The following MYO3B variants were observed in gnomAD, a reference collection of about 807,000 sequenced individuals.
The protein encoded by MYO3B is myosin IIIB.
Under a neutral mutation model 174.6 loss-of-function variants are expected in MYO3B, and 156 were observed. That is an observed-to-expected ratio of 0.89 (90% CI 0.78 to 1.02). MYO3B has a LOEUF of 1.02. Among genes scored for constraint, MYO3B ranks in the 50% least tolerant of loss-of-function variants. The pLI is 0.00. For missense variants in MYO3B, 1,632 were observed against 1,639.4 expected, an observed-to-expected ratio of 1.00 and a Z score of 0.08; for synonymous variants, 563 against 569.1, an observed-to-expected ratio of 0.99 and a Z score of 0.15.
At chr2:170,596,307 T>A (rs1437096029) in intron 32 of MYO3B, among the ~76,000 whole-genome samples, 2 of 152,110 alleles carry the variant, frequency 1.3e-5, no homozygotes. Flanking sequence ...CTACCTGAAC[T>A]CCCCCAAAAG....
At chr2:170,214,917 C>G in intron 5 of MYO3B, 89 bp downstream of exon 5, 8 of 970,792 alleles carry the variant, frequency 8.2e-6, no homozygotes, top group South Asian at 1.4e-5. Context: ...TGGGGCTTCT[C>G]TGCTACACCA....
At chr2:170,628,742 G>GC (rs1559176158) in intron 32 of MYO3B, among the ~76,000 whole-genome samples, 1 of 152,212 alleles carries the variant, frequency 6.6e-6, no homozygotes, top group East Asian at 1.9e-4. Flanking sequence ...AGGCATCAAA[G>GC]CCCCCCTAGA....
chr2:170,274,517 T>C (rs2093449093), intron 7 of MYO3B, among the ~76,000 whole-genome samples: 1 of 152,012 alleles, frequency 6.6e-6, no homozygotes, highest in South Asian at 2.1e-4. Flanking sequence ...ATTGGATGAG[T>C]GAACTAACAG....
chr2:170,423,585 C>CTT (rs34209442), intron 22 of MYO3B, among the ~76,000 whole-genome samples: 53,681 of 124,146 alleles, frequency 0.43, 12,518 homozygotes, highest in Admixed American at 0.56. Context: ...TCAGCAAAAG[C>CTT]TTTTTTTTTT....
chr2:170,195,873 AG>A (rs1321168389), intron 1 of MYO3B, among the ~76,000 whole-genome samples: 2 of 152,320 alleles, frequency 1.3e-5, no homozygotes, highest in Admixed American at 1.3e-4. Flanking sequence ...CCATTTCACC[AG>A]GAACAATAAT....
intron 7 of MYO3B, among the ~76,000 whole-genome samples, chr2:170,321,457 G>C (rs1237010295): frequency 2.0e-5 from 3 of 152,072 alleles, no homozygotes; most frequent in African/African-American, 4.8e-5. Flanking sequence ...AAAATAAAAA[G>C]AGGGAAGTAA....
At chr2:170,404,148 C>T in intron 19 of MYO3B, 99 bp from the exon 20 acceptor site, 1 of 1,147,764 alleles carries the variant, frequency 8.7e-7, no homozygotes, top group Non-Finnish European at 1.2e-6. Context: ...TTTCCACATG[C>T]ATTCAATGTT....
intron 7 of MYO3B, among the ~76,000 whole-genome samples, chr2:170,259,359 A>G (rs1250123062): frequency 2.0e-5 from 3 of 152,300 alleles, no homozygotes; most frequent in East Asian, 3.9e-4. Flanking sequence ...TGGTATAAAA[A>G]CAGTCACATA....
chr2:170,597,504 A>G (rs561105096), intron 32 of MYO3B, among the ~76,000 whole-genome samples: 4 of 152,274 alleles, frequency 2.6e-5, no homozygotes, highest in African/African-American at 9.6e-5. Flanking sequence ...GGCCCTCCAG[A>G]GTACCCCTGG....
chr2:170,528,704 C>G (rs990741080), intron 30 of MYO3B, among the ~76,000 whole-genome samples: 4 of 152,198 alleles, frequency 2.6e-5, no homozygotes, highest in Admixed American at 1.3e-4. Flanking sequence ...CTGTGCCCAG[C>G]CTCAAGGCAA....
chr2:170,397,712 T>A (rs1375124110), intron 16 of MYO3B, among the ~76,000 whole-genome samples: 1 of 152,070 alleles, frequency 6.6e-6, no homozygotes, highest in Non-Finnish European at 1.5e-5. Flanking sequence ...ATTCTGACCC[T>A]CTCCACCTGG....
At chr2:170,199,933 T>C (rs2092642683) in intron 2 of MYO3B, among the ~76,000 whole-genome samples, 1 of 152,214 alleles carries the variant, frequency 6.6e-6, no homozygotes, top group South Asian at 2.1e-4. Flanking sequence ...TATGTAATAA[T>C]AGAAGGTGTA....
chr2:170,402,866 G>A lies in MYO3B; in HGVS notation c.2148G>A (p.Met716Ile). The A allele has an allele frequency of 6.2e-7, 1 of 1,611,816 alleles. No homozygotes were observed. Residue 716 changes from methionine to isoleucine, a missense_variant, in exon 19 of 35, where the codon ATG becomes ATA. Coordinates refer to ENST00000408978, the MANE Select transcript of MYO3B (RefSeq NM_138995.5). Reference protein sequence around the residue: ...DENICSAGGGMNVGILDIFGF... With the variant: ...DENICSAGGGINVGILDIFGF... Reference sequence around the variant, plus strand: ...CATGCAGTAGTGCAGGAGGTGGAATGAATGTGGGGATCTTGGATATCTTTG... The same window carrying A: ...CATGCAGTAGTGCAGGAGGTGGAATAAATGTGGGGATCTTGGATATCTTTG...
intron 7 of MYO3B, among the ~76,000 whole-genome samples, chr2:170,321,898 G>T (rs1286502272): frequency 2.0e-5 from 3 of 151,970 alleles, no homozygotes; most frequent in African/African-American, 7.2e-5. Context: ...GGTGGATTTT[G>T]AGGTCAGGAG....
chr2:170,402,977 T>C lies in MYO3B; in HGVS notation c.2259T>C (p.His753=), dbSNP rs535227543. 5 of 1,602,740 alleles carry C rather than the reference T, an allele frequency of 3.1e-6. No homozygotes were observed. The South Asian group carries it at 5.6e-5, about 18-fold the overall frequency. ...AAATCCAGTACTATTTCAATCAGCA[T>C]GTTTTTGCTCTTGAGCAGGTAATAG... ...NEQIQYYFNQ[H]VFALEQMEYQ... The change falls in exon 19 of 35, where the codon CAT becomes CAC. Residue 753 remains histidine, a synonymous_variant. Transcript: ENST00000408978.
intron 30 of MYO3B, among the ~76,000 whole-genome samples, chr2:170,527,796 A>G (rs1338321443): frequency 6.6e-6 from 1 of 152,264 alleles, no homozygotes; most frequent in African/African-American, 2.4e-5. Context: ...ATGACTACCT[A>G]GTACGTAGTT....
chr2:170,307,810 T>C (rs1275377453), intron 7 of MYO3B, among the ~76,000 whole-genome samples: 1 of 152,200 alleles, frequency 6.6e-6, no homozygotes, highest in Non-Finnish European at 1.5e-5. Context: ...TTTAATTACA[T>C]GCAAATTCAG....
intron 22 of MYO3B, among the ~76,000 whole-genome samples, chr2:170,436,173 G>A (rs979823247): frequency 6.6e-6 from 1 of 152,140 alleles, no homozygotes; most frequent in Non-Finnish European, 1.5e-5. Context: ...TCCAACACAG[G>A]ACACATGTTG....
At chr2:170,196,628 C>A (rs1231201237) in intron 1 of MYO3B, among the ~76,000 whole-genome samples, 1 of 152,096 alleles carries the variant, frequency 6.6e-6, no homozygotes, top group Non-Finnish European at 1.5e-5. Context: ...CTTCTCTGTC[C>A]ATTTTTCTCT....
Sources: gnomAD v4.1 joint callset for allele counts (sites outside exome capture counted in the v4.1 genomes callset) on GRCh38, gnomAD v4.1.1 for gene constraint, MANE v1.5 for transcripts, NCBI Gene and HGNC (gene_info 2026-07-23, HGNC 2026-07-21) for gene names.